DYRK1B: variants seen among roughly 807,000 people sequenced by gnomAD.
DYRK1B encodes the protein dual specificity tyrosine phosphorylation regulated kinase 1B, also known as dual specificity tyrosine-phosphorylation-regulated kinase 1B.
In DYRK1B, 20 loss-of-function variants were observed where a neutral mutation model predicts 57.1. That is an observed-to-expected ratio of 0.35 (90% confidence interval 0.25 to 0.51). The LOEUF is 0.51. Ranked by LOEUF, DYRK1B falls within the 20% of genes least tolerant of loss-of-function variation. The pLI, the probability that DYRK1B is intolerant of heterozygous loss-of-function variation, is 0.96. For synonymous variants in DYRK1B, 409 were observed against 384.7 expected (o/e 1.06, Z -0.74); for missense variants, 732 against 886.3 (o/e 0.83, Z 2.21).
Position 39,827,278 on chromosome 19 carries a change from G to A in DYRK1B, c.1095+7C>T. Reference sequence around the variant, plus strand: ...GTGGGAGGAGTGGCATGGGGCAGGGGCCGCACCTTCCTGAGTTCTTTCGTC... The same window carrying A: ...GTGGGAGGAGTGGCATGGGGCAGGGACCGCACCTTCCTGAGTTCTTTCGTC... On this transcript the variant is annotated splice_region_variant and intron_variant, in intron 8 of 10. Transcript: ENST00000323039. 2 of 1,606,952 alleles carry A rather than the reference G, an allele frequency of 1.2e-6. No homozygotes were observed. The highest frequency in any genetic ancestry group is 1.7e-6 in the Non-Finnish European group (2 of 1,175,608).
intron 5 of DYRK1B, among the ~76,000 whole-genome samples, chr19:39,829,148 TTTC>T (rs1455883040): frequency 2.0e-5 from 3 of 151,338 alleles, no homozygotes; most frequent in African/African-American, 7.3e-5. Flanking sequence ...AATGCCTGAG[TTTC>T]TTTTTTCCTT....
At chr19:39,827,707 T>C (rs550930730) in intron 6 of DYRK1B, 51 bp from the exon 7 acceptor site, 1 of 1,589,014 alleles carries the variant, frequency 6.3e-7, no homozygotes, top group South Asian at 1.1e-5. Context: ...CTGGTCCCAC[T>C]GACACCCCCA....
At position 39,826,121 on chromosome 19, in the gene DYRK1B, C is replaced by T. The variant is rs767502994; in HGVS notation, c.1519-35G>A. ...CAAAGGAGCCATGGGTGATGGAGAC[C>T]CTGGTCTCTAAGCCCCAGGCACCAC... is the stretch of plus-strand genomic sequence containing the variant. On this transcript the variant is annotated intron_variant, in intron 10 of 10. Coordinates refer to ENST00000323039, the MANE Select transcript of DYRK1B (RefSeq NM_004714.3). This position sits in a 1 kb window ranked among gnomAD's most constrained non-coding sequence, Gnocchi z 6.3. 4.5e-6 allele frequency: 7 copies of T among 1,554,498 alleles called. No individual in the cohort carries two copies. The highest frequency in any genetic ancestry group is 2.1e-5 in the Admixed American group (1 of 47,794).
chr19:39,832,900 T>A, intron 1 of DYRK1B: 1 of 984,522 alleles, frequency 1.0e-6, no homozygotes, highest in Non-Finnish European at 1.2e-6. Context: ...AGAGTGATCA[T>A]CCTTTTCTCC....
chr19:39,831,431 T>TG (rs11368987), intron 2 of DYRK1B, among the ~76,000 whole-genome samples: 86,200 of 151,942 alleles, frequency 0.57, 25,429 homozygotes, highest in African/African-American at 0.71. Context: ...CTTTTCTTAG[T>TG]AGCATTTATT....
intron 4 of DYRK1B, 147 bp downstream of exon 4, chr19:39,830,228 T>C: frequency 2.5e-6 from 3 of 1,197,732 alleles, no homozygotes; most frequent in Non-Finnish European, 3.5e-6. Flanking sequence ...TTATTTAAAC[T>C]GTTTTACAGA....
chr19:39,830,281 G>A (rs1418416059), intron 4 of DYRK1B, 94 bp downstream of exon 4: 3 of 1,508,714 alleles, frequency 2.0e-6, no homozygotes, highest in Admixed American at 1.7e-5. Context: ...GCTAGGGTGA[G>A]TGGCCCAGCA....
chr19:39,830,831 C>T (rs1663333703), intron 2 of DYRK1B, 48 bp from the exon 3 acceptor site: 27 of 1,564,574 alleles, frequency 1.7e-5, no homozygotes, highest in Middle Eastern at 3.8e-4. Context: ...CCTTCACCTC[C>T]GACCTCAAGA....
chr19:39,830,894 T>C (rs747148005), intron 2 of DYRK1B, 111 bp from the exon 3 acceptor site: 11 of 1,301,490 alleles, frequency 8.5e-6, no homozygotes, highest in South Asian at 1.5e-5. Context: ...CTGTCTGTAT[T>C]TGTTCCACCT....
At chr19:39,833,209 ACCT>A (rs1317375276) in intron 1 of DYRK1B, 46 of 984,654 alleles carry the variant, frequency 4.7e-5, no homozygotes, top group Middle Eastern at 5.2e-4. Flanking sequence ...CCAAAAAACC[ACCT>A]CTTCTCCGGG....
At chr19:39,832,896 A>G (rs1181388593) in intron 1 of DYRK1B, 1 of 983,856 alleles carries the variant, frequency 1.0e-6, no homozygotes, top group African/African-American at 1.8e-5. Context: ...GTTTAGAGTG[A>G]TCATCCTTTT....
In DYRK1B at chr19:39,830,410, T is replaced by C. The variant is rs1231860704; in HGVS notation, c.337A>G (p.Ile113Val). 2 of 1,614,014 alleles carry C rather than the reference T, an allele frequency of 1.2e-6. No individual in the cohort carries two copies. The highest frequency in any genetic ancestry group is 1.7e-6 in the Non-Finnish European group (2 of 1,180,040). ...GAGCCTTTGCCAATGAGCGAGTCAA[T>C]TTCGTAGCGCTCCAGCCAGCGCTCG... ...SGERWLERYE[I>V]DSLIGKGSFG... The change falls in exon 4 of 11, where the codon ATT becomes GTT. Residue 113 changes from isoleucine (I) to valine (V), a missense_variant. Transcript: ENST00000323039.
At chr19:39,830,186 G>T in intron 4 of DYRK1B, 159 bp from the exon 5 acceptor site, 1 of 1,150,246 alleles carries the variant, frequency 8.7e-7, no homozygotes, top group Non-Finnish European at 1.2e-6. Context: ...CACTGGATGT[G>T]AAATAACATA....
chr19:39,829,960 G>A lies in DYRK1B; in HGVS notation c.440C>T (p.Ala147Val). ...CTCAATCTGGGCCTGGTTCAGGAAA[G>A]CCTTTTTGTTCTTGATGATCTTGAT... ...VAIKIIKNKK[A>V]FLNQAQIELR... Residue 147 changes from alanine to valine, a missense_variant, in exon 5 of 11, where the codon GCT becomes GTT. By Grantham distance (64) the Ala-to-Val change is moderately conservative. This residue lies in a region of DYRK1B where 510 missense variants were observed against 681.3 expected (regional missense o/e 0.75). Transcript: ENST00000323039. The A allele has an allele frequency of 1.2e-6, 2 of 1,614,122 alleles. No homozygotes were observed. Among genetic ancestry groups the A allele is most frequent in the South Asian group, 1.1e-5 (1 of 91,072 alleles).
chr19:39,831,211 CTT>C (rs1249331588), intron 2 of DYRK1B, among the ~76,000 whole-genome samples: 3 of 152,196 alleles, frequency 2.0e-5, no homozygotes, highest in Non-Finnish European at 4.4e-5. Context: ...CCCACCAACT[CTT>C]TGCACAGTTC....
At chr19:39,827,146 G>C in intron 8 of DYRK1B, 139 bp downstream of exon 8, 3 of 1,193,338 alleles carry the variant, frequency 2.5e-6, no homozygotes, top group Non-Finnish European at 3.5e-6. Flanking sequence ...GATGGGGTGG[G>C]CAGGGGAGGA....
chr19:39,830,650 C>T lies in DYRK1B; in HGVS notation c.183+14G>A, dbSNP rs756909087. 2 of 1,613,124 alleles carry T rather than the reference C, an allele frequency of 1.2e-6. No individual in the cohort carries two copies. The highest frequency in any genetic ancestry group is 1.3e-5 in the African/African-American group (1 of 74,938). On this transcript the variant is annotated intron_variant, in intron 3 of 10. Coordinates refer to ENST00000323039, the MANE Select transcript of DYRK1B (RefSeq NM_004714.3). ...CCTCGGCACCCAGCCCAGGATCCCC[C>T]AGCCCCTGCCCACCTCATTGATGTG...
intron 2 of DYRK1B, among the ~76,000 whole-genome samples, chr19:39,831,223 CT>C (rs1968794138): frequency 6.6e-6 from 1 of 152,188 alleles, no homozygotes; most frequent in South Asian, 2.1e-4. Context: ...TTGCACAGTT[CT>C]TTCACCCCAA....
Position 39,826,975 on chromosome 19 carries a change from G to A in DYRK1B, c.1108C>T (p.Pro370Ser). ...ACCTCCTGCAGCCGCCGTGTCCCGG[G>A]GCCCTGGTAATCCTGGCAGGGAGGG... The part of the protein sequence containing the change: ...TKELRKDYQG[P>S]GTRRLQEVLG... The change falls in exon 9 of 11, where the codon CCC becomes TCC. Residue 370 changes from proline (P) to serine (S), a missense_variant. Transcript: ENST00000323039. The surrounding 1 kb of genome is among the most constrained non-coding windows in gnomAD (Gnocchi z 6.3). 1.4e-6 allele frequency: 2 copies of A among 1,440,382 alleles called. No homozygotes were observed. Among genetic ancestry groups the A allele is most frequent in the East Asian group, 5.7e-5 (2 of 35,380 alleles). 89.2% of individuals were successfully genotyped at this position (1,440,382 alleles called of 1,614,324 possible). A position where few individuals can be genotyped will look rare whatever the true frequency, so the allele number is the denominator to read the frequency against.
Sources: allele counts gnomAD v4.1 joint callset (sites outside exome capture counted in the v4.1 genomes callset), GRCh38; gene constraint gnomAD v4.1.1; regional missense constraint gnomAD v4.1.1; non-coding constraint Gnocchi (gnomAD v3.1); transcripts MANE v1.5; gene names NCBI Gene and HGNC (gene_info 2026-07-23, HGNC 2026-07-21).